The following SYNDIG1 variants were observed in gnomAD, a reference collection of about 807,000 sequenced individuals.
SYNDIG1 encodes the protein synapse differentiation-inducing gene protein 1.
Under a neutral mutation model 19.4 loss-of-function variants are expected in SYNDIG1, and 9 were observed. The observed-to-expected ratio is 0.46, with a 90% CI of 0.28 to 0.81. The LOEUF is 0.81. Ranked by LOEUF, SYNDIG1 falls within the 30% of genes least tolerant of loss-of-function variation. The pLI, the probability that SYNDIG1 is intolerant of heterozygous loss-of-function variation, is 0.12. For missense variants in SYNDIG1, 311 were observed against 343.3 expected, an observed-to-expected ratio of 0.91 and a Z score of 0.74; for synonymous variants, 141 against 145.9, an observed-to-expected ratio of 0.97 and a Z score of 0.24.
At chr20:24,472,055 C>G (rs2055482711) in intron 1 of SYNDIG1, among the ~76,000 whole-genome samples, 1 of 152,204 alleles carries the variant, frequency 6.6e-6, no homozygotes, top group African/African-American at 2.4e-5. Flanking sequence ...GTATCTCCAG[C>G]TGATGACATT....
chr20:24,630,870 C>T (rs1473646232), intron 3 of SYNDIG1, among the ~76,000 whole-genome samples: 2 of 152,188 alleles, frequency 1.3e-5, no homozygotes, highest in Admixed American at 6.5e-5. Context: ...GAGACTAATA[C>T]CGAACAAAGA....
chr20:24,513,126 A>G (rs1309773602), intron 1 of SYNDIG1, among the ~76,000 whole-genome samples: 2 of 152,242 alleles, frequency 1.3e-5, no homozygotes, highest in African/African-American at 4.8e-5. Flanking sequence ...CCCCATCTGT[A>G]TATCACCATC....
chr20:24,573,153 C>A (rs565342164), intron 2 of SYNDIG1, among the ~76,000 whole-genome samples: 1 of 152,194 alleles, frequency 6.6e-6, no homozygotes, highest in Non-Finnish European at 1.5e-5. Flanking sequence ...GTGAGAATTA[C>A]CATGCAAGCA....
chr20:24,495,698 C>T (rs2056283628), intron 1 of SYNDIG1: 1 of 152,172 alleles, frequency 6.6e-6, no homozygotes, highest in Admixed American at 6.5e-5. Flanking sequence ...TCTTCATGCA[C>T]AAAACGAGAG....
chr20:24,483,049 A>T (rs1240623748), intron 1 of SYNDIG1, among the ~76,000 whole-genome samples: 7 of 152,258 alleles, frequency 4.6e-5, no homozygotes, highest in Admixed American at 3.3e-4. Flanking sequence ...ACACATATCT[A>T]TCCTTTGGAA....
intron 2 of SYNDIG1, among the ~76,000 whole-genome samples, chr20:24,552,198 T>C (rs2057718646): frequency 6.6e-6 from 1 of 152,362 alleles, no homozygotes; most frequent in African/African-American, 2.4e-5. Flanking sequence ...TTGGCCATTT[T>C]ATTATAAAGC....
intron 1 of SYNDIG1, among the ~76,000 whole-genome samples, chr20:24,490,420 T>G (rs1468139114): frequency 1.3e-5 from 2 of 152,084 alleles, no homozygotes; most frequent in Non-Finnish European, 2.9e-5. Flanking sequence ...GTCACAGTCC[T>G]CATGGGAAAG....
intron 3 of SYNDIG1, among the ~76,000 whole-genome samples, chr20:24,591,503 T>C (rs966643622): frequency 6.6e-6 from 1 of 152,132 alleles, no homozygotes; most frequent in African/African-American, 2.4e-5. Context: ...TGGGATGCTA[T>C]TTAATGAGGT....
intron 3 of SYNDIG1, among the ~76,000 whole-genome samples, chr20:24,593,185 G>A (rs923233149): frequency 1.5e-4 from 23 of 152,206 alleles, no homozygotes; most frequent in African/African-American, 5.3e-4. Flanking sequence ...GTACCTGATA[G>A]ACATCCTCCC....
intron 2 of SYNDIG1, among the ~76,000 whole-genome samples, chr20:24,545,515 C>T (rs1438007473): frequency 6.6e-6 from 1 of 152,088 alleles, no homozygotes; most frequent in Non-Finnish European, 1.5e-5. Context: ...GAATGGAATA[C>T]CCCATCAGCT....
intron 2 of SYNDIG1, among the ~76,000 whole-genome samples, chr20:24,543,910 G>A (rs879087742): frequency 6.6e-6 from 1 of 152,170 alleles, no homozygotes; most frequent in Admixed American, 6.5e-5. Context: ...TTGACAAGAT[G>A]AGAGAGGGAC....
chr20:24,495,414 C>T lies in SYNDIG1; in HGVS notation c.-79+25661C>T, dbSNP rs946609806. The T allele has an allele frequency of 9.8e-5, 15 of 152,388 alleles. 1 individual carries two copies. The highest frequency in any genetic ancestry group is 3.4e-4 in the African/African-American group (14 of 41,454). The allele number at this position is 152,388 out of a possible 1,614,324, so 9.4% of individuals were successfully genotyped here. A position where few individuals can be genotyped will look rare whatever the true frequency, so the allele number is the denominator to read the frequency against. ...CCAGTTTATCCCTCAGGCATCACCC[C>T]AGTTACCAGTCCCAGCCCGCTTCAT... On this transcript the variant is annotated intron_variant, in intron 1 of 3. Coordinates refer to ENST00000376862, the MANE Select transcript of SYNDIG1 (RefSeq NM_024893.3).
chr20:24,513,212 G>A (rs1293428684), intron 1 of SYNDIG1, among the ~76,000 whole-genome samples: 4 of 152,118 alleles, frequency 2.6e-5, no homozygotes, highest in Non-Finnish European at 5.9e-5. Context: ...TTTAAAAATC[G>A]AGCACCTCTC....
chr20:24,526,683 C>T (rs576665297), intron 1 of SYNDIG1, among the ~76,000 whole-genome samples: 4 of 152,112 alleles, frequency 2.6e-5, no homozygotes, highest in Non-Finnish European at 4.4e-5. Flanking sequence ...CAGGTCATCA[C>T]CCAGCATTAT....
intron 2 of SYNDIG1, among the ~76,000 whole-genome samples, chr20:24,569,822 A>C (rs1212373016): frequency 6.6e-6 from 1 of 152,222 alleles, no homozygotes; most frequent in Non-Finnish European, 1.5e-5. Context: ...TGGGTGGATA[A>C]GAGGATGAAC....
At chr20:24,542,699 G>T (rs1568625512) in intron 1 of SYNDIG1, among the ~76,000 whole-genome samples, 2 of 152,100 alleles carry the variant, frequency 1.3e-5, no homozygotes, top group Non-Finnish European at 2.9e-5. Context: ...ATGCGATTGG[G>T]TTTACCTGTG....
At chr20:24,659,203 T>C (rs1419297484) in intron 3 of SYNDIG1, among the ~76,000 whole-genome samples, 1 of 151,532 alleles carries the variant, frequency 6.6e-6, no homozygotes, top group African/African-American at 2.4e-5. Context: ...TGGACATAAC[T>C]CATTCCTTTC....
intron 2 of SYNDIG1, among the ~76,000 whole-genome samples, chr20:24,573,235 T>C (rs1355806330): frequency 2.6e-5 from 4 of 152,220 alleles, no homozygotes; most frequent in Non-Finnish European, 4.4e-5. Flanking sequence ...CATTCAGCTA[T>C]GAAACCAGCC....
chr20:24,663,490 G>C (rs771235815), intron 3 of SYNDIG1, among the ~76,000 whole-genome samples: 36 of 152,184 alleles, frequency 2.4e-4, no homozygotes, highest in Non-Finnish European at 3.7e-4. Flanking sequence ...CACCACCAGA[G>C]AGACTGGAAC....
Sources: gnomAD v4.1 joint callset for allele counts (sites outside exome capture counted in the v4.1 genomes callset) on GRCh38, gnomAD v4.1.1 for gene constraint, MANE v1.5 for transcripts, NCBI Gene and HGNC (gene_info 2026-07-23, HGNC 2026-07-21) for gene names.